The following TRABD2A variants were observed in gnomAD, a reference collection of about 807,000 sequenced individuals.
TRABD2A encodes TraB domain containing 2A, also known as metalloprotease TIKI1.
TRABD2A carries 43 observed loss-of-function variants against 45.6 expected under a neutral mutation model. The ratio of observed to expected loss-of-function variants is 0.94; its 90% CI spans 0.74 to 1.22. The LOEUF (loss-of-function observed/expected upper bound fraction) is 1.22, where lower values mean the gene tolerates loss of function less well. Ranked by LOEUF, TRABD2A falls within the 50% of genes most tolerant of loss-of-function variation. The probability of loss-of-function intolerance (pLI) is 0.00; values close to 1 mark genes in which losing one functional copy is unlikely to be tolerated. For synonymous variants in TRABD2A, 269 were observed against 265.0 expected, an observed-to-expected ratio of 1.02 and a Z score of -0.15; for missense variants, 642 against 652.4, an observed-to-expected ratio of 0.98 and a Z score of 0.17.
In TRABD2A at chr2:84,839,045, G is replaced by A. The variant is rs114847206; in HGVS notation, c.991+104C>T. 1,895 of 1,329,512 alleles carry A rather than the reference G, an allele frequency of 1.4e-3. 27 individuals carry two copies. The African/African-American group carries it at 0.025, about 18-fold the overall frequency. The allele number at this position is 1,329,512 out of a possible 1,614,324, so 82.4% of individuals were successfully genotyped here. ...AGGAAGGTGTCACTCCCTTCATCTCGCTTCATGACTAACACAGGCCCTAAG... is the reference window on the plus strand; with the variant it reads ...AGGAAGGTGTCACTCCCTTCATCTCACTTCATGACTAACACAGGCCCTAAG... On this transcript the variant is annotated intron_variant, in intron 4 of 6. Coordinates refer to ENST00000409520, the MANE Select transcript of TRABD2A (RefSeq NM_001277053.2).
At chr2:84,825,346 G>A (rs1162709382) in intron 5 of TRABD2A, among the ~76,000 whole-genome samples, 2 of 152,184 alleles carry the variant, frequency 1.3e-5, no homozygotes, top group Non-Finnish European at 2.9e-5. Context: ...TGTGAGGAAG[G>A]GAGGAGGTAT....
intron 2 of TRABD2A, among the ~76,000 whole-genome samples, chr2:84,854,487 A>C (rs541839037): frequency 2.0e-5 from 3 of 152,372 alleles, no homozygotes; most frequent in Non-Finnish European, 4.4e-5. Flanking sequence ...ATAAGAAAAC[A>C]GACTCAGAAA....
intron 5 of TRABD2A, among the ~76,000 whole-genome samples, chr2:84,831,682 G>A (rs1681343150): frequency 6.6e-6 from 1 of 152,074 alleles, no homozygotes; most frequent in Non-Finnish European, 1.5e-5. Flanking sequence ...GCCCGATTTT[G>A]CCTCCCGAAA....
chr2:84,853,493 C>A (rs1682170150), intron 2 of TRABD2A, among the ~76,000 whole-genome samples: 1 of 152,116 alleles, frequency 6.6e-6, no homozygotes, highest in Non-Finnish European at 1.5e-5. Flanking sequence ...TGGAGGTAAC[C>A]ACCCCCATGA....
intron 2 of TRABD2A, among the ~76,000 whole-genome samples, chr2:84,857,840 T>C (rs958368246): frequency 6.6e-5 from 10 of 152,346 alleles, no homozygotes; most frequent in African/African-American, 2.4e-4. Flanking sequence ...TGCCTTGTCC[T>C]GCAGCACTGC....
chr2:84,870,429 A>G lies in TRABD2A; in HGVS notation c.465T>C (p.Ala155=). The change falls in exon 2 of 7, where the codon GCT becomes GCC. Residue 155 remains alanine, a synonymous_variant. Coordinates refer to ENST00000409520, the MANE Select transcript of TRABD2A (RefSeq NM_001277053.2). ...TCTTGCGCTCCCAGTTTCCGGCAAT[A>G]GCATTGAAGAGGTAGTCTGCGTAGA... is the stretch of plus-strand genomic sequence containing the variant. The part of the protein sequence containing the change: ...KGLYADYLFN[A]IAGNWERKRP... 6.2e-7 allele frequency: 1 copy of G among 1,613,962 alleles called. No homozygotes were observed. Among genetic ancestry groups the G allele is most frequent in the Non-Finnish European group, 8.5e-7 (1 of 1,179,884 alleles).
rs372546193 is a variant in TRABD2A, at chr2:84,870,422, C to T, written c.472G>A (p.Gly158Arg). 2.5e-6 allele frequency: 4 copies of T among 1,614,010 alleles called. No homozygotes were observed. Among genetic ancestry groups the T allele is most frequent in the East Asian group, 2.2e-5 (1 of 44,886 alleles). Residue 158 changes from glycine to arginine, a missense_variant, in exon 2 of 7, where the codon GGA becomes AGA. Coordinates refer to ENST00000409520, the MANE Select transcript of TRABD2A (RefSeq NM_001277053.2). ...ACAGGCCTCTTGCGCTCCCAGTTTCCGGCAATAGCATTGAAGAGGTAGTCT... is the reference window on the plus strand; with the variant it reads ...ACAGGCCTCTTGCGCTCCCAGTTTCTGGCAATAGCATTGAAGAGGTAGTCT... ...YADYLFNAIA[G>R]NWERKRPVWV...
intron 1 of TRABD2A, among the ~76,000 whole-genome samples, chr2:84,872,729 T>C (rs546827278): frequency 4.8e-4 from 73 of 152,364 alleles, no homozygotes; most frequent in African/African-American, 1.7e-3. Context: ...TAAACTGTTG[T>C]TCCTAGGGGA....
intron 3 of TRABD2A, 130 bp from the exon 4 acceptor site, chr2:84,839,453 G>C (rs1300311976): frequency 5.8e-6 from 5 of 857,026 alleles, no homozygotes; most frequent in African/African-American, 1.7e-5. Flanking sequence ...ACCATTCTTG[G>C]AGTTTCCTGT....
intron 5 of TRABD2A, among the ~76,000 whole-genome samples, chr2:84,831,353 T>G (rs546620420): frequency 6.6e-6 from 1 of 152,246 alleles, no homozygotes; most frequent in East Asian, 1.9e-4. Flanking sequence ...TCACTCAGTC[T>G]GTGGTTGTTG....
At chr2:84,880,903 G>A (rs749436211) in intron 1 of TRABD2A, 29 bp downstream of exon 1, 2 of 1,565,774 alleles carry the variant, frequency 1.3e-6, no homozygotes, top group South Asian at 2.3e-5. Context: ...CAGAGAGGCC[G>A]GCTCTCCAGC....
At chr2:84,866,214 G>A (rs1338761330) in intron 2 of TRABD2A, among the ~76,000 whole-genome samples, 1 of 152,224 alleles carries the variant, frequency 6.6e-6, no homozygotes, top group Non-Finnish European at 1.5e-5. Context: ...CGGCCAAACT[G>A]GAAAGACAAT....
intron 2 of TRABD2A, among the ~76,000 whole-genome samples, chr2:84,853,558 C>G (rs148305795): frequency 1.5e-4 from 23 of 152,302 alleles, no homozygotes; most frequent in African/African-American, 5.5e-4. Flanking sequence ...ATGGAAACTA[C>G]AGTTCAGTGT....
intron 1 of TRABD2A, among the ~76,000 whole-genome samples, chr2:84,878,398 G>A (rs546666763): frequency 9.7e-4 from 148 of 152,002 alleles, no homozygotes; most frequent in Non-Finnish European, 1.9e-3. Context: ...GGTGGTGGGC[G>A]CCTGTAATCC....
intron 4 of TRABD2A, chr2:84,837,713 T>A (rs1363642565): frequency 6.6e-6 from 1 of 152,432 alleles, no homozygotes; most frequent in East Asian, 1.9e-4. Flanking sequence ...TTTGGGGGCA[T>A]GTATTTGATG....
At chr2:84,861,504 G>A (rs1359172115) in intron 2 of TRABD2A, among the ~76,000 whole-genome samples, 3 of 152,164 alleles carry the variant, frequency 2.0e-5, no homozygotes, top group South Asian at 2.1e-4. Context: ...CTGACAGGAG[G>A]AGGAGATCAG....
chr2:84,840,620 C>T (rs768695780), intron 3 of TRABD2A, among the ~76,000 whole-genome samples: 2 of 152,192 alleles, frequency 1.3e-5, no homozygotes, highest in Non-Finnish European at 2.9e-5. Flanking sequence ...CATTTGCCCA[C>T]GTAATGACCA....
At chr2:84,879,623 T>C in intron 1 of TRABD2A, 7 of 985,372 alleles carry the variant, frequency 7.1e-6, no homozygotes, top group Non-Finnish European at 8.4e-6. Flanking sequence ...TAATAGGTTT[T>C]GCAGAAGTGA....
chr2:84,830,572 A>G lies in TRABD2A; in HGVS notation c.1082+1483T>C, dbSNP rs954088306. 6.6e-6 allele frequency among the ~76,000 whole-genome samples: 1 copy of G among 152,226 alleles called. No individual in the cohort carries two copies. Among genetic ancestry groups the G allele is most frequent in the African/African-American group, 2.4e-5 (1 of 41,442 alleles). ...GGGGCGGTGGCCATGGAAATGGAGA[A>G]GGACAAATCCCAGCGAGTCTTTAGT... On this transcript the variant is annotated intron_variant, in intron 5 of 6. Coordinates refer to ENST00000409520, the MANE Select transcript of TRABD2A (RefSeq NM_001277053.2). The surrounding 1 kb of genome is among the most constrained non-coding windows in gnomAD (Gnocchi z 4.9).
Sources: allele counts gnomAD v4.1 joint callset (sites outside exome capture counted in the v4.1 genomes callset), GRCh38; gene constraint gnomAD v4.1.1; non-coding constraint Gnocchi (gnomAD v3.1); transcripts MANE v1.5; gene names NCBI Gene and HGNC (gene_info 2026-07-23, HGNC 2026-07-21).